BMERB1: variants seen among roughly 807,000 people sequenced by gnomAD.
BMERB1 encodes the protein bMERB domain-containing protein 1.
A neutral mutation model predicts 23.6 loss-of-function variants in BMERB1; 12 were observed. That is an observed-to-expected ratio of 0.51 (90% CI 0.33 to 0.82). The LOEUF (loss-of-function observed/expected upper bound fraction) is 0.82. BMERB1 is among the 40% of genes least tolerant of loss of function. The probability of loss-of-function intolerance (pLI) is 0.03; values close to 1 mark genes in which losing one functional copy is unlikely to be tolerated. For synonymous variants in BMERB1, 122 were observed against 96.6 expected (o/e 1.26, Z -1.54); for missense variants, 247 against 255.4 (o/e 0.97, Z 0.22).
At chr16:15,511,724 T>C (rs992602865) in intron 1 of BMERB1, among the ~76,000 whole-genome samples, 1 of 151,828 alleles carries the variant, frequency 6.6e-6, no homozygotes, top group Non-Finnish European at 1.5e-5. Flanking sequence ...AAACTGGGAG[T>C]TGTCAGGCCA....
At chr16:15,489,952 C>T (rs1407992402) in intron 1 of BMERB1, among the ~76,000 whole-genome samples, 4 of 152,128 alleles carry the variant, frequency 2.6e-5, no homozygotes, top group Admixed American at 1.3e-4. Flanking sequence ...CTGCAAGCTA[C>T]GCCTCCCGGG....
At chr16:15,530,044 T>C (rs1471962080) in intron 2 of BMERB1, among the ~76,000 whole-genome samples, 1 of 152,180 alleles carries the variant, frequency 6.6e-6, no homozygotes, top group Non-Finnish European at 1.5e-5. Context: ...TCTAGAACCG[T>C]ACTCTTTGCA....
In BMERB1 at chr16:15,584,035, A is replaced by G. The variant is rs115009148; in HGVS notation, c.502+797A>G. 4.8e-3 allele frequency: 3,382 copies of G among 702,340 alleles called. 82 individuals carry two copies. The African/African-American group carries it at 0.052, about 11-fold the overall frequency. The allele number at this position is 702,340 out of a possible 1,614,324, so 43.5% of individuals were successfully genotyped here. A position where few individuals can be genotyped will look rare whatever the true frequency, so the allele number is the denominator to read the frequency against. ...TGGAATCTCTGGAGAAGCCAGAAGC[A>G]TATGTCTCAGAATATTAACCTCATC... On this transcript the variant is annotated intron_variant, in intron 5 of 5. Transcript: ENST00000300006.
chr16:15,435,868 G>A (rs1312966419), intron 1 of BMERB1, among the ~76,000 whole-genome samples: 9 of 152,180 alleles, frequency 5.9e-5, no homozygotes, highest in Non-Finnish European at 1.3e-4. Context: ...ACAATCCAAT[G>A]TCTTAGTGGT....
Position 15,533,108 on chromosome 16 carries a change from A to G in BMERB1, c.230+17680A>G, listed in dbSNP as rs1252224265. The G allele has an allele frequency of 6.9e-6, 3 of 432,620 alleles. No individual in the cohort carries two copies. In the Admixed American group the frequency reaches 7.7e-5, roughly 11 times the overall value. The allele number at this position is 432,620 out of a possible 1,614,324, so 26.8% of individuals were successfully genotyped here. A position where few individuals can be genotyped will look rare whatever the true frequency, so the allele number is the denominator to read the frequency against. ...AGGAGTAAAAGAGATCAAGCATATT[A>G]AGTGCTCAGTCCAGTGCCTGCTACC... On this transcript the variant is annotated intron_variant, in intron 2 of 5. Transcript: ENST00000300006.
intron 1 of BMERB1, among the ~76,000 whole-genome samples, chr16:15,498,628 AAGG>A (rs1255111924): frequency 1.3e-5 from 2 of 151,864 alleles, no homozygotes; most frequent in Admixed American, 1.3e-4. Context: ...AAGAAAGAGA[AAGG>A]AAGAAAGAGG....
chr16:15,478,759 G>C (rs143292037), intron 1 of BMERB1, among the ~76,000 whole-genome samples: 1 of 152,116 alleles, frequency 6.6e-6, no homozygotes. Context: ...ATTCTTCATG[G>C]CCATGTATTC....
At chr16:15,518,505 G>A (rs1032032791) in intron 2 of BMERB1, among the ~76,000 whole-genome samples, 3 of 152,308 alleles carry the variant, frequency 2.0e-5, no homozygotes, top group South Asian at 2.1e-4. Context: ...AAAGGACACA[G>A]TATGCTCAGA....
rs563285268 is a variant in BMERB1 at position 15,518,010 on chromosome 16, T to G, written c.230+2582T>G. Among the ~76,000 whole-genome samples the G allele has an allele frequency of 1.6e-4, 25 of 151,526 alleles. No homozygotes were observed. In the East Asian group the frequency reaches 4.5e-3, roughly 27 times the overall value. On this transcript the variant is annotated intron_variant, in intron 2 of 5. Coordinates refer to ENST00000300006, the MANE Select transcript of BMERB1 (RefSeq NM_033201.3). ...GTGTGTGCATGTGTGGATGTGTGTG[T>G]GGGTGTGGATGTGTGCGTGTGTGGA... is the stretch of plus-strand genomic sequence containing the variant.
At chr16:15,442,765 G>A (rs543175274) in intron 1 of BMERB1, among the ~76,000 whole-genome samples, 35 of 152,268 alleles carry the variant, frequency 2.3e-4, no homozygotes, top group South Asian at 6.2e-4. Context: ...TTGCTGAAAG[G>A]CATAAAGCTA....
intron 2 of BMERB1, among the ~76,000 whole-genome samples, chr16:15,527,594 G>C (rs1466100545): frequency 1.3e-5 from 2 of 151,924 alleles, no homozygotes; most frequent in Non-Finnish European, 2.9e-5. Context: ...TACAGAGTGA[G>C]AATCCGTCTC....
chr16:15,498,776 C>T (rs58899866), intron 1 of BMERB1, among the ~76,000 whole-genome samples: 4,278 of 152,304 alleles, frequency 0.028, 187 homozygotes, highest in South Asian at 0.11. Context: ...GTGATTTTGT[C>T]CCCCAGGGGA....
rs142323149 is a variant in BMERB1, at chr16:15,438,135, G to T, written c.106+3376G>T. Reference sequence around the variant, plus strand: ...GGAGTCTCACTCTGTCCCCCAGGCTGGAGTGCAGTGGCATGATCTCAGCTC... The same window carrying T: ...GGAGTCTCACTCTGTCCCCCAGGCTTGAGTGCAGTGGCATGATCTCAGCTC... On this transcript the variant is annotated intron_variant, in intron 1 of 5. Transcript: ENST00000300006. Among the ~76,000 whole-genome samples, 296 of 151,940 alleles carry T rather than the reference G, an allele frequency of 1.9e-3. 5 individuals are homozygous for T. The East Asian group carries it at 0.055, about 28-fold the overall frequency.
chr16:15,444,086 T>C (rs1057297729), intron 1 of BMERB1, among the ~76,000 whole-genome samples: 1 of 137,124 alleles, frequency 7.3e-6, no homozygotes. Context: ...GGCACAGAGG[T>C]GAATATTCCA....
intron 1 of BMERB1, among the ~76,000 whole-genome samples, chr16:15,498,213 A>T (rs1266290199): frequency 1.3e-5 from 2 of 151,914 alleles, no homozygotes; most frequent in African/African-American, 2.4e-5. Context: ...GGTAAGTCTC[A>T]TACCTGTGCC....
intron 2 of BMERB1, among the ~76,000 whole-genome samples, chr16:15,547,535 G>A (rs964185458): frequency 7.4e-5 from 11 of 147,774 alleles, no homozygotes; most frequent in Non-Finnish European, 1.3e-4. Flanking sequence ...TAGGTGAGAC[G>A]GGGTTTCACC....
intron 1 of BMERB1, among the ~76,000 whole-genome samples, chr16:15,447,385 A>G (rs1332769663): frequency 6.6e-6 from 1 of 152,184 alleles, no homozygotes; most frequent in Non-Finnish European, 1.5e-5. Context: ...CTCACTCAGT[A>G]TCATGAGAAC....
chr16:15,581,400 AT>A (rs2031012022), intron 4 of BMERB1, 69 bp downstream of exon 4: 1 of 1,304,836 alleles, frequency 7.7e-7, no homozygotes, highest in African/African-American at 1.5e-5. Flanking sequence ...TCCAGAACCC[AT>A]CTTCTGCTCC....
At chr16:15,496,639 C>T (rs1332249958) in intron 1 of BMERB1, among the ~76,000 whole-genome samples, 2 of 151,784 alleles carry the variant, frequency 1.3e-5, no homozygotes, top group South Asian at 4.2e-4. Flanking sequence ...CCCGGGTTCA[C>T]GCCATTCTCC....
Sources: allele counts gnomAD v4.1 joint callset (sites outside exome capture counted in the v4.1 genomes callset), GRCh38; gene constraint gnomAD v4.1.1; transcripts MANE v1.5; gene names NCBI Gene and HGNC (gene_info 2026-07-23, HGNC 2026-07-21).